MANBAL: variants seen among roughly 807,000 people sequenced by gnomAD.
MANBAL encodes the protein mannosidase beta like.
Under a neutral mutation model 6.4 loss-of-function variants are expected in MANBAL, and 1 was observed. That is an observed-to-expected ratio of 0.16 (90% CI 0.06 to 0.74). The LOEUF (loss-of-function observed/expected upper bound fraction) is 0.74. Among genes scored for constraint, MANBAL ranks in the 30% least tolerant of loss-of-function variants. The pLI, the probability that MANBAL is intolerant of heterozygous loss-of-function variation, is 0.78. For synonymous variants in MANBAL, 47 were observed against 45.8 expected (o/e 1.03, Z -0.10); for missense variants, 100 against 107.8 (o/e 0.93, Z 0.32).
chr20:37,292,960 G>A (rs1194904095), intron 1 of MANBAL, among the ~76,000 whole-genome samples: 2 of 152,204 alleles, frequency 1.3e-5, no homozygotes, highest in African/African-American at 4.8e-5. Flanking sequence ...GACAGAGTAA[G>A]AGACATACGT....
intron 1 of MANBAL, chr20:37,297,315 C>T (rs1292021629): frequency 4.6e-5 from 7 of 152,216 alleles, no homozygotes. Context: ...ATTCACTGCA[C>T]TTGGAACCAG....
At position 37,316,447 on chromosome 20, in the gene MANBAL, G is replaced by A; in HGVS notation, c.*32G>A. The A allele has an allele frequency of 6.3e-7, 1 of 1,593,936 alleles. No homozygotes were observed. The highest frequency in any genetic ancestry group is 1.1e-5 in the South Asian group (1 of 90,372). On this transcript the variant is annotated 3_prime_UTR_variant, in exon 3 of 3. Coordinates refer to ENST00000373606, the MANE Select transcript of MANBAL (RefSeq NM_001003897.2). ...AGGCCTGAGGAGCTGGGCGGGCAGG[G>A]AGAGGGTCTTGGGGACAGCCCTCCT...
At chr20:37,292,148 CATT>C (rs2068885644) in intron 1 of MANBAL, among the ~76,000 whole-genome samples, 1 of 152,162 alleles carries the variant, frequency 6.6e-6, no homozygotes, top group African/African-American at 2.4e-5. Flanking sequence ...TGGAGAAAGT[CATT>C]ATGTACAGCA....
At chr20:37,311,810 C>T (rs114253372) in intron 2 of MANBAL, among the ~76,000 whole-genome samples, 2 of 152,230 alleles carry the variant, frequency 1.3e-5, no homozygotes, top group Admixed American at 6.5e-5. Flanking sequence ...TTAGGAAAAT[C>T]GACTCTGAAA....
intron 1 of MANBAL, among the ~76,000 whole-genome samples, chr20:37,293,932 A>T (rs768763084): frequency 2.2e-4 from 34 of 152,116 alleles, no homozygotes; most frequent in Non-Finnish European, 4.7e-4. Flanking sequence ...CCATCCTGGA[A>T]CACCCTGACT....
At chr20:37,315,554 C>T (rs1485892309) in intron 2 of MANBAL, among the ~76,000 whole-genome samples, 1 of 152,236 alleles carries the variant, frequency 6.6e-6, no homozygotes, top group Non-Finnish European at 1.5e-5. Context: ...TCCTTAGCAG[C>T]AGAACTTTGT....
intron 1 of MANBAL, among the ~76,000 whole-genome samples, chr20:37,291,894 C>G (rs866806849): frequency 6.6e-6 from 1 of 152,186 alleles, no homozygotes; most frequent in African/African-American, 2.4e-5. Flanking sequence ...ACCGTGAGTC[C>G]GTTAAACCTC....
chr20:37,306,642 A>G (rs2069265329), intron 2 of MANBAL, among the ~76,000 whole-genome samples: 1 of 152,238 alleles, frequency 6.6e-6, no homozygotes, highest in South Asian at 2.1e-4. Context: ...ATTCTAAAAT[A>G]GAAGATAGTA....
At chr20:37,314,737 C>T (rs142732589) in intron 2 of MANBAL, among the ~76,000 whole-genome samples, 5 of 152,302 alleles carry the variant, frequency 3.3e-5, no homozygotes, top group African/African-American at 1.2e-4. Context: ...ACCTGGCTGG[C>T]TCTTCATATC....
chr20:37,316,806 TCCCA>T lies in MANBAL; in HGVS notation c.*392_*395del. The T allele has an allele frequency of 5.4e-6, 1 of 184,718 alleles. No individual in the cohort carries two copies. The highest frequency in any genetic ancestry group is 1.1e-5 in the Non-Finnish European group (1 of 89,364). The allele number at this position is 184,718 out of a possible 1,614,324, so 11.4% of individuals were successfully genotyped here. On this transcript the variant is annotated 3_prime_UTR_variant, in exon 3 of 3. Transcript: ENST00000373606. Reference sequence around the variant, plus strand: ...GTCTAATGCTGACAAGCACACCCTCTCCCATTATTTGTGCACTACAGATCTCCTC... The same window carrying T: ...GTCTAATGCTGACAAGCACACCCTCTTTATTTGTGCACTACAGATCTCCTC...
intron 2 of MANBAL, among the ~76,000 whole-genome samples, chr20:37,311,263 G>A (rs2069379981): frequency 6.6e-6 from 1 of 152,234 alleles, no homozygotes. Flanking sequence ...AGGGAGCAGA[G>A]TACTGGGAGA....
chr20:37,315,968 T>C (rs1208265855), intron 2 of MANBAL, among the ~76,000 whole-genome samples: 3 of 152,154 alleles, frequency 2.0e-5, no homozygotes, highest in Admixed American at 2.0e-4. Flanking sequence ...GTAAGGCGGG[T>C]GTGGCTATTT....
chr20:37,312,948 C>T (rs551928397), intron 2 of MANBAL, among the ~76,000 whole-genome samples: 17 of 152,302 alleles, frequency 1.1e-4, no homozygotes, highest in Non-Finnish European at 1.9e-4. Context: ...TGGGAATAAA[C>T]AAGAATGAAG....
intron 2 of MANBAL, among the ~76,000 whole-genome samples, chr20:37,315,823 A>C (rs1032735529): frequency 3.7e-4 from 57 of 152,362 alleles, no homozygotes; most frequent in African/African-American, 1.3e-3. Flanking sequence ...GGCAAGCCAC[A>C]GTGGGTCTGC....
intron 1 of MANBAL, among the ~76,000 whole-genome samples, chr20:37,300,500 G>C (rs1440033606): frequency 6.6e-6 from 1 of 152,160 alleles, no homozygotes; most frequent in African/African-American, 2.4e-5. Flanking sequence ...TCCATCCTGA[G>C]CATGTAGAGG....
intron 2 of MANBAL, chr20:37,302,367 G>A: frequency 6.5e-7 from 1 of 1,548,864 alleles, no homozygotes; most frequent in Non-Finnish European, 8.7e-7. Context: ...CCTACTGTGT[G>A]GCATCAACAA....
rs201414663 is a variant in MANBAL at position 37,316,444 on chromosome 20, A to G, written c.*29A>G. 1.1e-4 allele frequency: 174 copies of G among 1,595,354 alleles called. No individual in the cohort carries two copies. The highest frequency in any genetic ancestry group is 8.7e-4 in the Admixed American group (51 of 58,536). ...AGGAGGCCTGAGGAGCTGGGCGGGC[A>G]GGGAGAGGGTCTTGGGGACAGCCCT... On this transcript the variant is annotated 3_prime_UTR_variant, in exon 3 of 3. Coordinates refer to ENST00000373606, the MANE Select transcript of MANBAL (RefSeq NM_001003897.2).
intron 1 of MANBAL, among the ~76,000 whole-genome samples, chr20:37,300,666 A>C (rs946714151): frequency 6.2e-4 from 94 of 152,354 alleles, no homozygotes; most frequent in Non-Finnish European, 2.9e-4. Flanking sequence ...ATTTTTGTTG[A>C]AGTGCTTCCC....
chr20:37,312,148 C>G (rs2069404664), intron 2 of MANBAL, among the ~76,000 whole-genome samples: 2 of 152,054 alleles, frequency 1.3e-5, no homozygotes, highest in African/African-American at 4.8e-5. Flanking sequence ...TCAGATGACT[C>G]GATAACTGTA....
Sources: allele counts gnomAD v4.1 joint callset (sites outside exome capture counted in the v4.1 genomes callset), GRCh38; gene constraint gnomAD v4.1.1; transcripts MANE v1.5; gene names NCBI Gene and HGNC (gene_info 2026-07-23, HGNC 2026-07-21).